The following TNFSF11 variants were observed in gnomAD, a reference collection of about 807,000 sequenced individuals.
The protein encoded by TNFSF11 is TNF superfamily member 11.
TNFSF11 carries 12 observed loss-of-function variants against 32.2 expected under a neutral mutation model. The ratio of observed to expected loss-of-function variants is 0.37; its 90% CI spans 0.24 to 0.60. The LOEUF (loss-of-function observed/expected upper bound fraction) is 0.60, where lower values mean the gene tolerates loss of function less well. Ranked by LOEUF, TNFSF11 falls within the 20% of genes least tolerant of loss-of-function variation. The probability of loss-of-function intolerance (pLI) is 0.66; values close to 1 mark genes in which losing one functional copy is unlikely to be tolerated. For synonymous variants in TNFSF11, 172 were observed against 152.1 expected (o/e 1.13, Z -0.96); for missense variants, 345 against 398.0 (o/e 0.87, Z 1.13).
chr13:42,570,579 A>G (rs1873026133), upstream of TNFSF11, among the ~76,000 whole-genome samples: 1 of 152,196 alleles, frequency 6.6e-6, no homozygotes, highest in Non-Finnish European at 1.5e-5. Context: ...TCACTCAACT[A>G]TTTTATAATT....
chr13:42,567,454 C>T (rs1486516246), intron 2 of TNFSF11, among the ~76,000 whole-genome samples: 1 of 152,112 alleles, frequency 6.6e-6, no homozygotes, highest in Non-Finnish European at 1.5e-5. Flanking sequence ...GATGTTTTTC[C>T]TCTTCCACCT....
intron 2 of TNFSF11, among the ~76,000 whole-genome samples, chr13:42,587,489 A>G (rs769765039): frequency 6.6e-6 from 1 of 152,232 alleles, no homozygotes; most frequent in Non-Finnish European, 1.5e-5. Flanking sequence ...AGAACACATA[A>G]GTCTATTAAA....
At chr13:42,589,782 ACC>A (rs1874079098) in intron 2 of TNFSF11, among the ~76,000 whole-genome samples, 1 of 152,214 alleles carries the variant, frequency 6.6e-6, no homozygotes, top group South Asian at 2.1e-4. Flanking sequence ...GTCCTCAGAA[ACC>A]CACAGGACTC....
chr13:42,601,006 G>GA, intron 4 of TNFSF11, 25 bp downstream of exon 4: 1 of 1,612,570 alleles, frequency 6.2e-7, no homozygotes, highest in Non-Finnish European at 8.5e-7. Flanking sequence ...CATCCAGCCT[G>GA]AAAAATATTT....
intron 2 of TNFSF11, among the ~76,000 whole-genome samples, chr13:42,583,256 A>G (rs547720192): frequency 6.6e-5 from 10 of 151,398 alleles, no homozygotes; most frequent in Admixed American, 2.6e-4. Context: ...TACAAAAAGT[A>G]AAAAAAATTA....
chr13:42,572,225 T>C (rs1427751599), upstream of TNFSF11, among the ~76,000 whole-genome samples: 5 of 152,176 alleles, frequency 3.3e-5, no homozygotes, highest in Non-Finnish European at 7.3e-5. Context: ...ATGAAGCTCC[T>C]GGGTCAAGTA....
At chr13:42,599,901 T>C (rs117573066) in intron 2 of TNFSF11, among the ~76,000 whole-genome samples, 1 of 152,278 alleles carries the variant, frequency 6.6e-6, no homozygotes, top group East Asian at 1.9e-4. Flanking sequence ...CCTACACACA[T>C]TATCTCCTTT....
At chr13:42,603,827 G>T (rs1289264834) in intron 4 of TNFSF11, among the ~76,000 whole-genome samples, 1 of 152,166 alleles carries the variant, frequency 6.6e-6, no homozygotes, top group East Asian at 1.9e-4. Context: ...GGCACAGTTG[G>T]TTGATGTAAT....
At chr13:42,573,708 TG>T (rs910663689), upstream of TNFSF11, among the ~76,000 whole-genome samples, 5 of 152,106 alleles carry the variant, frequency 3.3e-5, no homozygotes, top group Admixed American at 3.3e-4. Context: ...GGAAGCACTT[TG>T]GGGGGAGAGG....
chr13:42,589,989 C>T (rs1178784066), intron 2 of TNFSF11, among the ~76,000 whole-genome samples: 1 of 152,230 alleles, frequency 6.6e-6, no homozygotes, highest in Non-Finnish European at 1.5e-5. Flanking sequence ...TGCCCGCCCA[C>T]CCACCTGTGG....
intron 1 of TNFSF11, among the ~76,000 whole-genome samples, chr13:42,577,603 TATAAAG>T (rs1227856584): frequency 3.3e-5 from 5 of 152,242 alleles, no homozygotes; most frequent in Non-Finnish European, 5.9e-5. Flanking sequence ...AGGGTTTAGC[TATAAAG>T]ATAAACTTTT....
At chr13:42,605,029 C>T (rs1869381321) in intron 4 of TNFSF11, among the ~76,000 whole-genome samples, 1 of 152,122 alleles carries the variant, frequency 6.6e-6, no homozygotes, top group East Asian at 1.9e-4. Context: ...ATGATCCACC[C>T]ACCTCAGCCT....
At chr13:42,593,603 A>G (rs1196293779) in intron 2 of TNFSF11, among the ~76,000 whole-genome samples, 1 of 152,214 alleles carries the variant, frequency 6.6e-6, no homozygotes, top group Non-Finnish European at 1.5e-5. Flanking sequence ...CTGGCTATTC[A>G]TTTTCAGAAA....
At chr13:42,573,160 C>T (rs1873131630), upstream of TNFSF11, among the ~76,000 whole-genome samples, 1 of 150,910 alleles carries the variant, frequency 6.6e-6, no homozygotes, top group South Asian at 2.1e-4. Context: ...ACACAGCCAT[C>T]CTTTTTTTTT....
intron 2 of TNFSF11, among the ~76,000 whole-genome samples, chr13:42,586,324 T>C (rs904370264): frequency 6.6e-6 from 1 of 152,240 alleles, no homozygotes; most frequent in Non-Finnish European, 1.5e-5. Context: ...CAATGACTTA[T>C]TGAACTCTGT....
chr13:42,602,654 T>A (rs537854458), intron 4 of TNFSF11, among the ~76,000 whole-genome samples: 2 of 152,374 alleles, frequency 1.3e-5, no homozygotes, highest in East Asian at 3.9e-4. Flanking sequence ...AGTGGAAAAC[T>A]GTTTTGCATG....
chr13:42,592,110 C>T (rs986010122), intron 2 of TNFSF11, among the ~76,000 whole-genome samples: 4 of 152,270 alleles, frequency 2.6e-5, no homozygotes, highest in Admixed American at 1.3e-4. Flanking sequence ...AAATATGTGG[C>T]GTTTGCCCTC....
At chr13:42,604,754 AC>A (rs1869360019) in intron 4 of TNFSF11, among the ~76,000 whole-genome samples, 1 of 152,104 alleles carries the variant, frequency 6.6e-6, no homozygotes, top group Admixed American at 6.6e-5. Context: ...TGGGAAGGTA[AC>A]TAGTGTGTGT....
chr13:42,574,374 C>T lies in TNFSF11; in HGVS notation c.71C>T (p.Ala24Val). The stretch of plus-strand genomic sequence containing the variant: ...GAGGAGATGGGCGGCGGCCCCGGAG[C>T]CCCGCACGAGGGCCCCCTGCACGCC... The part of the protein sequence containing the change: ...GSEEMGGGPG[A>V]PHEGPLHAPP... The change falls in exon 1 of 5, where the codon GCC becomes GTC. Residue 24 changes from alanine to valine, a missense_variant. This residue lies in a region of TNFSF11 where 197 missense variants were observed against 182.0 expected (regional missense o/e 1.08). Coordinates refer to ENST00000398795, the MANE Select transcript of TNFSF11 (RefSeq NM_003701.4). 1 of 1,543,318 alleles carries T rather than the reference C, an allele frequency of 6.5e-7. No individual in the cohort carries two copies. The highest frequency in any genetic ancestry group is 1.2e-5 in the South Asian group (1 of 83,690).
Sources: gnomAD v4.1 joint callset for allele counts (sites outside exome capture counted in the v4.1 genomes callset) on GRCh38, gnomAD v4.1.1 for gene constraint, gnomAD v4.1.1 regional missense constraint, MANE v1.5 for transcripts, NCBI Gene and HGNC (gene_info 2026-07-23, HGNC 2026-07-21) for gene names.